UNC13C: variants seen among roughly 807,000 people sequenced by gnomAD.
UNC13C encodes the protein protein unc-13 homolog C.
Under a neutral mutation model 245.4 loss-of-function variants are expected in UNC13C, and 174 were observed. The observed-to-expected ratio is 0.71, with a 90% CI of 0.63 to 0.80. The LOEUF (loss-of-function observed/expected upper bound fraction) is 0.80, where lower values mean the gene tolerates loss of function less well. Among genes scored for constraint, UNC13C ranks in the 30% least tolerant of loss-of-function variants. The pLI is 0.00. For missense variants in UNC13C, 2,829 were observed against 2,602.9 expected (o/e 1.09, Z -1.89); for synonymous variants, 992 against 895.1 (o/e 1.11, Z -1.93).
At chr15:54,369,197 C>A (rs546985852) in intron 17 of UNC13C, among the ~76,000 whole-genome samples, 1 of 139,250 alleles carries the variant, frequency 7.2e-6, no homozygotes, top group African/African-American at 2.7e-5. Flanking sequence ...AACCTCCCCC[C>A]CCCAAAAAAA....
At chr15:54,178,144 A>G (rs2033677521) in intron 4 of UNC13C, among the ~76,000 whole-genome samples, 1 of 152,116 alleles carries the variant, frequency 6.6e-6, no homozygotes, top group South Asian at 2.1e-4. Flanking sequence ...TTTGATCATC[A>G]AGCATGGTTT....
At chr15:53,972,090 A>G in the UNC13C span, among the ~76,000 whole-genome samples, 1 of 152,170 alleles carries the variant, frequency 6.6e-6, no homozygotes, top group South Asian at 2.1e-4. Flanking sequence ...TTGGTACTTT[A>G]TAGAGCTTTC....
At chr15:54,379,330 G>T (rs1269028608) in intron 17 of UNC13C, among the ~76,000 whole-genome samples, 1 of 151,860 alleles carries the variant, frequency 6.6e-6, no homozygotes, top group Non-Finnish European at 1.5e-5. Context: ...AAATTCATCA[G>T]GTCTGAAGGT....
intron 19 of UNC13C, among the ~76,000 whole-genome samples, chr15:54,459,293 G>A (rs1026748483): frequency 1.3e-5 from 2 of 152,038 alleles, no homozygotes; most frequent in African/African-American, 4.8e-5. Flanking sequence ...TCCTTTATAG[G>A]TTACCTGATG....
intron 18 of UNC13C, among the ~76,000 whole-genome samples, chr15:54,410,740 T>C (rs1371284946): frequency 6.6e-6 from 1 of 152,202 alleles, no homozygotes; most frequent in East Asian, 1.9e-4. Context: ...GCCAGTATCA[T>C]GCTGTTATGG....
intron 7 of UNC13C, among the ~76,000 whole-genome samples, chr15:54,243,176 G>A (rs185555052): frequency 9.9e-5 from 7 of 70,866 alleles, no homozygotes; most frequent in East Asian, 8.7e-4. Flanking sequence ...GTTATTCCCC[G>A]CCGCATGTCC....
intron 2 of UNC13C, among the ~76,000 whole-genome samples, chr15:54,042,610 T>G (rs1486638633): frequency 2.0e-5 from 3 of 152,000 alleles, no homozygotes; most frequent in African/African-American, 7.3e-5. Context: ...TCCCAGCACT[T>G]TGGGAGGCTG....
chr15:53,898,355 A>G, the UNC13C span, among the ~76,000 whole-genome samples: 1 of 152,168 alleles, frequency 6.6e-6, no homozygotes, highest in Non-Finnish European at 1.5e-5. Context: ...TATTGAGTGC[A>G]GCTTTTCTTG....
At chr15:54,519,206 G>A (rs1214528489) in intron 24 of UNC13C, among the ~76,000 whole-genome samples, 1 of 152,068 alleles carries the variant, frequency 6.6e-6, no homozygotes, top group Non-Finnish European at 1.5e-5. Flanking sequence ...AATCCATGAA[G>A]TAGAGGAATA....
At chr15:54,499,404 C>T (rs1229336449) in intron 20 of UNC13C, among the ~76,000 whole-genome samples, 7 of 152,024 alleles carry the variant, frequency 4.6e-5, no homozygotes, top group Non-Finnish European at 8.8e-5. Context: ...TTGGTGGGGA[C>T]ACAGATCCAA....
chr15:54,366,104 C>A (rs1182475733), intron 17 of UNC13C, among the ~76,000 whole-genome samples: 2 of 152,056 alleles, frequency 1.3e-5, no homozygotes, highest in Non-Finnish European at 2.9e-5. Context: ...ATTAATGACT[C>A]CCTTTAAATT....
intron 14 of UNC13C, among the ~76,000 whole-genome samples, chr15:54,327,671 A>C (rs2140988617): frequency 6.6e-6 from 1 of 152,210 alleles, no homozygotes; most frequent in Admixed American, 6.6e-5. Flanking sequence ...ATAAGGAGAA[A>C]GTATTGAAGG....
intron 30 of UNC13C, among the ~76,000 whole-genome samples, chr15:54,568,954 C>T (rs1365304018): frequency 6.6e-6 from 1 of 152,030 alleles, no homozygotes; most frequent in Non-Finnish European, 1.5e-5. Flanking sequence ...TCATATATCC[C>T]AGGTTATACT....
intron 4 of UNC13C, among the ~76,000 whole-genome samples, chr15:54,185,010 G>A (rs575430521): frequency 6.6e-6 from 1 of 152,222 alleles, no homozygotes; most frequent in South Asian, 2.1e-4. Flanking sequence ...GCATTTCTCT[G>A]ATGGCCAGTG....
chr15:53,996,513 C>G (rs781724578), intron 1 of UNC13C, among the ~76,000 whole-genome samples: 3 of 152,064 alleles, frequency 2.0e-5, no homozygotes, highest in Non-Finnish European at 4.4e-5. Context: ...CAGTGAAGTG[C>G]ATATATTTTA....
the UNC13C span, among the ~76,000 whole-genome samples, chr15:53,916,019 G>A: frequency 6.6e-6 from 1 of 152,118 alleles, no homozygotes; most frequent in South Asian, 2.1e-4. Context: ...CCAAGTTTCT[G>A]TTATAGTGTT....
the UNC13C span, among the ~76,000 whole-genome samples, chr15:53,963,786 A>G: frequency 2.6e-5 from 4 of 152,316 alleles, no homozygotes; most frequent in East Asian, 3.9e-4. Context: ...TGAGGAACCA[A>G]TGGCTGACAT....
chr15:54,520,692 G>A (rs1168743158), intron 24 of UNC13C, among the ~76,000 whole-genome samples: 2 of 152,120 alleles, frequency 1.3e-5, no homozygotes, highest in Non-Finnish European at 2.9e-5. Context: ...GAAGGACCTT[G>A]GGAAACAGAG....
chr15:53,898,948 C>T, the UNC13C span, among the ~76,000 whole-genome samples: 1 of 152,082 alleles, frequency 6.6e-6, no homozygotes, highest in Non-Finnish European at 1.5e-5. Flanking sequence ...TCTCCATACA[C>T]TGCCCCCCAC....
Sources: allele counts gnomAD v4.1 joint callset (sites outside exome capture counted in the v4.1 genomes callset), GRCh38; gene constraint gnomAD v4.1.1; transcripts MANE v1.5; gene names NCBI Gene and HGNC (gene_info 2026-07-23, HGNC 2026-07-21).